PRKG1: variants seen among roughly 807,000 people sequenced by gnomAD.
PRKG1 encodes cGMP-dependent protein kinase 1.
Under a neutral mutation model 88.1 loss-of-function variants are expected in PRKG1, and 35 were observed. That is an observed-to-expected ratio of 0.40 (90% CI 0.30 to 0.53). The LOEUF (loss-of-function observed/expected upper bound fraction) is 0.53. Ranked by LOEUF, PRKG1 falls within the 20% of genes least tolerant of loss-of-function variation. The pLI is 0.59. For missense variants in PRKG1, 540 were observed against 839.8 expected, an observed-to-expected ratio of 0.64 and a Z score of 4.41; for synonymous variants, 303 against 292.5, an observed-to-expected ratio of 1.04 and a Z score of -0.37.
chr10:51,865,735 G>A (rs573756722), intron 4 of PRKG1, among the ~76,000 whole-genome samples: 2 of 152,128 alleles, frequency 1.3e-5, no homozygotes, highest in South Asian at 4.1e-4. Context: ...CTCAGGAATG[G>A]TTTGGTATAA....
intron 9 of PRKG1, among the ~76,000 whole-genome samples, chr10:52,197,343 G>A (rs1202439210): frequency 6.6e-6 from 1 of 152,106 alleles, no homozygotes; most frequent in South Asian, 2.1e-4. Context: ...TGTCAACTGA[G>A]GACAAGATTA....
intron 2 of PRKG1, among the ~76,000 whole-genome samples, chr10:51,309,429 C>T (rs1383319509): frequency 6.6e-6 from 1 of 152,046 alleles, no homozygotes; most frequent in Non-Finnish European, 1.5e-5. Context: ...AAAAAGTGGA[C>T]AAAGGACATG....
chr10:51,693,160 C>T (rs111965389), intron 3 of PRKG1, among the ~76,000 whole-genome samples: 11,214 of 151,540 alleles, frequency 0.074, 453 homozygotes, highest in East Asian at 0.084. Flanking sequence ...TGGTAGCACA[C>T]GCCTGTAATC....
At chr10:51,270,318 A>G (rs918223634) in intron 2 of PRKG1, among the ~76,000 whole-genome samples, 13 of 152,206 alleles carry the variant, frequency 8.5e-5, no homozygotes, top group African/African-American at 2.9e-4. Context: ...TTTAAAAGGT[A>G]GATTATCTTT....
At chr10:51,246,109 TACCATTCC>T (rs2132132564) in intron 2 of PRKG1, among the ~76,000 whole-genome samples, 1 of 152,226 alleles carries the variant, frequency 6.6e-6, no homozygotes, top group South Asian at 2.1e-4. Flanking sequence ...GCTATGCACC[TACCATTCC>T]ACTGTCCTTG....
At chr10:52,101,070 A>G (rs1299070305) in intron 7 of PRKG1, among the ~76,000 whole-genome samples, 4 of 152,174 alleles carry the variant, frequency 2.6e-5, no homozygotes, top group African/African-American at 9.7e-5. Context: ...TGCCATTCAT[A>G]TTGATGAATC....
At chr10:52,117,595 A>C (rs1441496907) in intron 7 of PRKG1, among the ~76,000 whole-genome samples, 1 of 152,114 alleles carries the variant, frequency 6.6e-6, no homozygotes, top group African/African-American at 2.4e-5. Flanking sequence ...CTCGGAAATT[A>C]CTTGTGAGAG....
intron 4 of PRKG1, among the ~76,000 whole-genome samples, chr10:51,851,861 A>G (rs1166621151): frequency 6.6e-6 from 1 of 152,128 alleles, no homozygotes; most frequent in Non-Finnish European, 1.5e-5. Flanking sequence ...TTAGATTAGT[A>G]GGACCTGCCA....
At chr10:52,273,922 T>C (rs73348710) in intron 12 of PRKG1, among the ~76,000 whole-genome samples, 16,634 of 152,114 alleles carry the variant, frequency 0.11, 1,493 homozygotes, top group African/African-American at 0.24. Context: ...ACAAAGTTAA[T>C]ATTTTAATCT....
At chr10:51,149,383 G>C (rs1846011122) in intron 1 of PRKG1, among the ~76,000 whole-genome samples, 1 of 152,104 alleles carries the variant, frequency 6.6e-6, no homozygotes, top group South Asian at 2.1e-4. Context: ...CCTTATTTGA[G>C]AAGTAGGTAT....
chr10:51,112,406 A>T (rs1844999665), intron 1 of PRKG1, among the ~76,000 whole-genome samples: 3 of 152,074 alleles, frequency 2.0e-5, no homozygotes, highest in African/African-American at 7.2e-5. Context: ...AAAGGAGACC[A>T]AAAAAACCCC....
At chr10:51,273,009 A>C (rs943073839) in intron 2 of PRKG1, among the ~76,000 whole-genome samples, 1 of 152,208 alleles carries the variant, frequency 6.6e-6, no homozygotes, top group Admixed American at 6.5e-5. Context: ...CAGGAAGTAC[A>C]CAACTACTAT....
intron 5 of PRKG1, among the ~76,000 whole-genome samples, chr10:51,935,311 G>T (rs7071612): frequency 0.028 from 4,183 of 152,064 alleles, 198 homozygotes; most frequent in African/African-American, 0.095. Context: ...GGAAAACTCA[G>T]TATAACCTGT....
At chr10:51,037,043 T>A (rs528490802) in intron 1 of PRKG1, among the ~76,000 whole-genome samples, 2 of 152,208 alleles carry the variant, frequency 1.3e-5, no homozygotes, top group Non-Finnish European at 2.9e-5. Context: ...ATGTTTTGGA[T>A]GATTAATTTA....
intron 3 of PRKG1, among the ~76,000 whole-genome samples, chr10:51,675,264 G>T (rs1233602532): frequency 1.3e-5 from 2 of 152,072 alleles, no homozygotes; most frequent in Non-Finnish European, 2.9e-5. Context: ...AACTATTTGG[G>T]AAATGACCAA....
intron 1 of PRKG1, among the ~76,000 whole-genome samples, chr10:51,088,392 G>T (rs1435414787): frequency 9.4e-5 from 13 of 138,392 alleles, no homozygotes; most frequent in African/African-American, 2.4e-4. Flanking sequence ...TTGGTTTTCA[G>T]TTTTTTTTTT....
intron 2 of PRKG1, among the ~76,000 whole-genome samples, chr10:51,306,120 AG>A (rs1841029813): frequency 1.3e-5 from 2 of 152,222 alleles, no homozygotes; most frequent in African/African-American, 2.4e-5. Context: ...TGACTTATTT[AG>A]GGCCTCACAG....
At chr10:52,162,482 T>C (rs534147917) in intron 9 of PRKG1, among the ~76,000 whole-genome samples, 1 of 152,274 alleles carries the variant, frequency 6.6e-6, no homozygotes, top group East Asian at 1.9e-4. Flanking sequence ...CAATGTTTTT[T>C]GACAAAGATT....
chr10:52,187,058 C>G (rs1450685713), intron 9 of PRKG1, among the ~76,000 whole-genome samples: 1 of 152,048 alleles, frequency 6.6e-6, no homozygotes, highest in Non-Finnish European at 1.5e-5. Context: ...AGGTTTATCT[C>G]CGATATTCAA....
Sources: allele counts gnomAD v4.1 joint callset (sites outside exome capture counted in the v4.1 genomes callset), GRCh38; gene constraint gnomAD v4.1.1; transcripts MANE v1.5; gene names NCBI Gene and HGNC (gene_info 2026-07-23, HGNC 2026-07-21).